KIAA1217: variants seen among roughly 807,000 people sequenced by gnomAD.
KIAA1217 encodes sickle tail protein homolog.
A neutral mutation model predicts 163.9 loss-of-function variants in KIAA1217; 88 were observed. That is an observed-to-expected ratio of 0.54 (90% CI 0.45 to 0.64). The LOEUF is 0.64. KIAA1217 is among the 30% of genes least tolerant of loss of function. The pLI, the probability that KIAA1217 is intolerant of heterozygous loss-of-function variation, is 0.00. For synonymous variants in KIAA1217, 903 were observed against 923.1 expected (o/e 0.98, Z 0.39); for missense variants, 2,372 against 2,475.0 (o/e 0.96, Z 0.88).
rs914772777 is a variant in KIAA1217, at chr10:24,100,776, T to A, written c.-171+93402T>A. 5.8e-4 allele frequency among the ~76,000 whole-genome samples: 88 copies of A among 152,382 alleles called. 1 individual carries two copies. Among genetic ancestry groups the A allele is most frequent in the African/African-American group, 2.0e-3 (84 of 41,594 alleles). ...GTTTTTATTATTTAGATCTTAATTA[T>A]CTTAGGTATTTTGCTTTTCTATTTT... On this transcript the variant is annotated intron_variant, in intron 2 of 18. Transcript: ENST00000376462.
intron 2 of KIAA1217, among the ~76,000 whole-genome samples, chr10:24,296,431 T>A (rs999306030): frequency 3.9e-5 from 6 of 152,066 alleles, no homozygotes; most frequent in African/African-American, 1.4e-4. Flanking sequence ...TAACAAGGGG[T>A]CTCCAGGTGA....
At position 24,536,801 on chromosome 10, in the gene KIAA1217, G is replaced by T. The variant is rs140521554; in HGVS notation, c.3442G>T (p.Val1148Leu). Residue 1148 changes from valine (V) to leucine (L), a missense_variant, in exon 17 of 21, where the codon GTA (valine) becomes TTA (leucine). Val to Leu is a conservative substitution (Grantham distance 32, BLOSUM62 1). Around this residue, in one of 3 missense-constraint regions of KIAA1217, gnomAD observed 251 missense variants for 327.3 expected, o/e 0.77. Transcript: ENST00000376454. ...QAFQKCSFMD[V>L]NSNSHAEPSR... ...ATTCCAGAAGTGTTCCTTTATGGAT[G>T]TAAATTCAAACAGTCATGCTGAGCC... 26 of 1,613,746 alleles carry T rather than the reference G, an allele frequency of 1.6e-5. No individual in the cohort carries two copies. Among genetic ancestry groups the T allele is most frequent in the African/African-American group, 2.7e-5 (2 of 74,912 alleles).
intron 5 of KIAA1217, among the ~76,000 whole-genome samples, chr10:24,457,008 A>G (rs1044070702): frequency 6.7e-6 from 1 of 150,016 alleles, no homozygotes; most frequent in Non-Finnish European, 1.5e-5. Context: ...GGCCAATTAA[A>G]CCCTTTTTAA....
intron 3 of KIAA1217, among the ~76,000 whole-genome samples, chr10:24,422,318 C>T (rs1280052423): frequency 2.0e-5 from 3 of 152,122 alleles, no homozygotes; most frequent in Admixed American, 6.5e-5. Context: ...TTATACTAGC[C>T]TTATAACATT....
At chr10:24,402,533 A>C (rs200939391) in intron 3 of KIAA1217, among the ~76,000 whole-genome samples, 3,065 of 151,364 alleles carry the variant, frequency 0.02, 82 homozygotes, top group Non-Finnish European at 0.03. Context: ...CAAAACAAAA[A>C]AAAAAAAAAG....
chr10:24,534,486 G>A (rs891082821), intron 16 of KIAA1217, among the ~76,000 whole-genome samples: 6 of 151,984 alleles, frequency 3.9e-5, no homozygotes, highest in Middle Eastern at 3.2e-3. Context: ...ACCACTGAGG[G>A]ACACTCTTCT....
At chr10:23,973,969 A>G (rs569945365) in intron 1 of KIAA1217, among the ~76,000 whole-genome samples, 4 of 152,348 alleles carry the variant, frequency 2.6e-5, no homozygotes, top group African/African-American at 9.6e-5. Flanking sequence ...TACATGAACA[A>G]TGTTTAAAAT....
chr10:23,723,164 A>G (rs1837958110), intron 1 of KIAA1217, among the ~76,000 whole-genome samples: 1 of 152,148 alleles, frequency 6.6e-6, no homozygotes, highest in Non-Finnish European at 1.5e-5. Context: ...TGACCACTTT[A>G]GCCTGCTTGA....
At chr10:24,061,900 C>T (rs901374908) in intron 2 of KIAA1217, among the ~76,000 whole-genome samples, 2 of 152,044 alleles carry the variant, frequency 1.3e-5, no homozygotes, top group Non-Finnish European at 2.9e-5. Flanking sequence ...CTCTGGATTT[C>T]CTGGATCTGG....
At chr10:24,179,741 AC>A (rs1158905214) in intron 2 of KIAA1217, among the ~76,000 whole-genome samples, 1 of 152,078 alleles carries the variant, frequency 6.6e-6, no homozygotes, top group Non-Finnish European at 1.5e-5. Flanking sequence ...GGCATGTGCC[AC>A]CACATCCGGC....
intron 2 of KIAA1217, among the ~76,000 whole-genome samples, chr10:24,321,637 C>T (rs2044173783): frequency 6.6e-6 from 1 of 152,116 alleles, no homozygotes; most frequent in Non-Finnish European, 1.5e-5. Context: ...ACCTTGAGGA[C>T]ATTATGCTCA....
chr10:24,172,771 C>G (rs1589766201), intron 2 of KIAA1217, among the ~76,000 whole-genome samples: 1 of 152,198 alleles, frequency 6.6e-6, no homozygotes, highest in East Asian at 1.9e-4. Flanking sequence ...AACTCAGGCA[C>G]TCCGTATATT....
At chr10:24,020,877 A>T (rs553037290) in intron 2 of KIAA1217, among the ~76,000 whole-genome samples, 2 of 152,068 alleles carry the variant, frequency 1.3e-5, no homozygotes, top group African/African-American at 4.8e-5. Context: ...ACCTTGGGGG[A>T]AAAAGTAAAG....
rs369394781 is a variant in KIAA1217, at chr10:24,461,339, TTTTTGTTTTG to T, written c.847-11873_847-11864del. On this transcript the variant is annotated intron_variant, in intron 5 of 20. Coordinates refer to ENST00000376454, the MANE Select transcript of KIAA1217 (RefSeq NM_019590.5). ...GCATAACATTCTTTTTTTGTTTTTG[TTTTTGTTTTG>T]TTTTGTTTTGTTTTGGTGGTGGGGA... Among the ~76,000 whole-genome samples the T allele has an allele frequency of 3.1e-3, 476 of 152,190 alleles. 2 individuals carry two copies. Among genetic ancestry groups the T allele is most frequent in the African/African-American group, 0.011 (451 of 41,520 alleles).
intron 2 of KIAA1217, among the ~76,000 whole-genome samples, chr10:24,254,876 C>T (rs1343679664): frequency 6.7e-5 from 10 of 149,220 alleles, no homozygotes; most frequent in East Asian, 3.9e-4. Context: ...TTTTTTGAGA[C>T]GGAGTCTTAC....
chr10:23,775,177 A>C (rs1257768334), intron 1 of KIAA1217, among the ~76,000 whole-genome samples: 1 of 152,150 alleles, frequency 6.6e-6, no homozygotes, highest in Non-Finnish European at 1.5e-5. Flanking sequence ...GTGGCACCTA[A>C]CCCTGTGGAA....
chr10:24,352,198 T>C (rs1020527072), intron 2 of KIAA1217, among the ~76,000 whole-genome samples: 27 of 152,358 alleles, frequency 1.8e-4, no homozygotes, highest in Admixed American at 1.3e-3. Flanking sequence ...GTGCTAAGCA[T>C]TGGATTAAGC....
At chr10:24,465,676 C>T (rs917089854) in intron 5 of KIAA1217, among the ~76,000 whole-genome samples, 2 of 152,204 alleles carry the variant, frequency 1.3e-5, no homozygotes, top group African/African-American at 4.8e-5. Context: ...CTTTCTCCCC[C>T]ACCTTTTGCT....
chr10:23,855,554 G>A (rs536145053), intron 1 of KIAA1217, among the ~76,000 whole-genome samples: 109 of 152,288 alleles, frequency 7.2e-4, no homozygotes, highest in South Asian at 5.4e-3. Context: ...GAATCTGAAT[G>A]TTGGCCTGCC....
Sources: allele counts gnomAD v4.1 joint callset (sites outside exome capture counted in the v4.1 genomes callset), GRCh38; gene constraint gnomAD v4.1.1; regional missense constraint gnomAD v4.1.1; transcripts MANE v1.5; gene names NCBI Gene and HGNC (gene_info 2026-07-23, HGNC 2026-07-21).